Variants in PPP2R2C observed in about 807,000 individuals in gnomAD.
PPP2R2C encodes the protein protein phosphatase 2 regulatory subunit Bgamma, also known as protein phosphatase 2, regulatory subunit B, gamma.
A neutral mutation model predicts 45.3 loss-of-function variants in PPP2R2C; 10 were observed. The ratio of observed to expected loss-of-function variants is 0.22; its 90% CI spans 0.14 to 0.37. The LOEUF (loss-of-function observed/expected upper bound fraction) is 0.37, where lower values mean the gene tolerates loss of function less well. Ranked by LOEUF, PPP2R2C falls within the 10% of genes least tolerant of loss-of-function variation. The probability of loss-of-function intolerance (pLI) is 1.00; values close to 1 mark genes in which losing one functional copy is unlikely to be tolerated. For missense variants in PPP2R2C, 308 were observed against 619.7 expected (o/e 0.50, Z 5.34); for synonymous variants, 257 against 245.4 (o/e 1.05, Z -0.44).
At chr4:6,481,677 C>A (rs948373519) in intron 2 of PPP2R2C, among the ~76,000 whole-genome samples, 2 of 152,008 alleles carry the variant, frequency 1.3e-5, no homozygotes, top group Non-Finnish European at 2.9e-5. Flanking sequence ...TTTTGTAGAT[C>A]CCATTGAAAA....
intron 1 of PPP2R2C, chr4:6,384,536 A>C: frequency 1.0e-6 from 1 of 977,588 alleles, no homozygotes; most frequent in African/African-American, 1.7e-5. Flanking sequence ...CGCTGCACAT[A>C]CTTAATGTAT....
chr4:6,447,751 A>G (rs1038632420), intron 1 of PPP2R2C, among the ~76,000 whole-genome samples: 2 of 152,030 alleles, frequency 1.3e-5, no homozygotes, highest in Non-Finnish European at 2.9e-5. Flanking sequence ...TCTACCTCGT[A>G]GGAACAGCGT....
intron 1 of PPP2R2C, among the ~76,000 whole-genome samples, chr4:6,410,763 C>T (rs142258931): frequency 5.9e-5 from 9 of 152,208 alleles, no homozygotes; most frequent in Middle Eastern, 3.4e-3. Context: ...ACGTGTGCAG[C>T]GCCAAAGTCC....
At chr4:6,392,214 A>G (rs950109801) in intron 1 of PPP2R2C, among the ~76,000 whole-genome samples, 2 of 152,218 alleles carry the variant, frequency 1.3e-5, no homozygotes, top group African/African-American at 4.8e-5. Flanking sequence ...TATGTCATGT[A>G]TATTCTACCA....
rs114626800 is a variant in PPP2R2C at position 6,412,795 on chromosome 4, G to C, written c.71-31701C>G. Among the ~76,000 whole-genome samples the C allele has an allele frequency of 4.5e-3, 678 of 152,268 alleles. 7 individuals are homozygous for C. The highest frequency in any genetic ancestry group is 0.016 in the African/African-American group (650 of 41,564). On this transcript the variant is annotated intron_variant, in intron 1 of 8. Transcript: ENST00000382599. ...GGCCTTTGGGAGGTCATGAGGTCATGAGGGTGGAGCCCCCATGAATGGGAT... is the reference window on the plus strand; with the variant it reads ...GGCCTTTGGGAGGTCATGAGGTCATCAGGGTGGAGCCCCCATGAATGGGAT...
intron 2 of PPP2R2C, among the ~76,000 whole-genome samples, chr4:6,487,843 A>G (rs1403044428): frequency 1.3e-5 from 2 of 152,142 alleles, no homozygotes; most frequent in African/African-American, 4.8e-5. Context: ...CCAGTTATAC[A>G]TATATTACGC....
At chr4:6,547,217 C>T (rs1725014209) in intron 1 of PPP2R2C, among the ~76,000 whole-genome samples, 1 of 152,082 alleles carries the variant, frequency 6.6e-6, no homozygotes, top group African/African-American at 2.4e-5. Flanking sequence ...AAAGTAAAAT[C>T]ACGCCCTTAC....
chr4:6,399,314 A>G (rs1717259415), intron 1 of PPP2R2C, among the ~76,000 whole-genome samples: 1 of 152,212 alleles, frequency 6.6e-6, no homozygotes, highest in African/African-American at 2.4e-5. Flanking sequence ...GGGGAGAGGA[A>G]GTGCCAGCAG....
At chr4:6,333,871 A>G in intron 6 of PPP2R2C, 140 bp from the exon 7 acceptor site, 1 of 897,242 alleles carries the variant, frequency 1.1e-6, no homozygotes, top group Non-Finnish European at 1.7e-6. Context: ...AGAACTAAAC[A>G]CTTACCAGGG....
intron 2 of PPP2R2C, among the ~76,000 whole-genome samples, chr4:6,488,903 GTA>G (rs1220876627): frequency 6.6e-6 from 1 of 152,152 alleles, no homozygotes; most frequent in African/African-American, 2.4e-5. Context: ...CTAAGTACTG[GTA>G]TCACAGGTCC....
chr4:6,361,659 G>T (rs1199275626), intron 5 of PPP2R2C, among the ~76,000 whole-genome samples: 6 of 152,244 alleles, frequency 3.9e-5, no homozygotes, highest in Non-Finnish European at 2.9e-5. Context: ...GGATGCAAAA[G>T]GTACAGTGCT....
chr4:6,370,200 G>A (rs1200366599), intron 5 of PPP2R2C, among the ~76,000 whole-genome samples: 1 of 152,228 alleles, frequency 6.6e-6, no homozygotes, highest in Non-Finnish European at 1.5e-5. Flanking sequence ...CCGAGCATGA[G>A]CTCTGGCTCT....
At chr4:6,548,802 C>T (rs1021815569) in intron 1 of PPP2R2C, among the ~76,000 whole-genome samples, 2 of 152,146 alleles carry the variant, frequency 1.3e-5, no homozygotes, top group African/African-American at 2.4e-5. Flanking sequence ...CCTGAAGATG[C>T]CAAAATCCAG....
chr4:6,359,921 G>C (rs557481087), intron 5 of PPP2R2C, among the ~76,000 whole-genome samples: 9 of 152,360 alleles, frequency 5.9e-5, no homozygotes, highest in African/African-American at 2.2e-4. Context: ...CTGGCAAGGA[G>C]CTCAAGAGAG....
intron 1 of PPP2R2C, among the ~76,000 whole-genome samples, chr4:6,424,170 C>G (rs1228344269): frequency 6.6e-6 from 1 of 152,196 alleles, no homozygotes; most frequent in East Asian, 1.9e-4. Flanking sequence ...GGAGCTCCAG[C>G]TCTGGAGAGG....
At position 6,408,188 on chromosome 4, in the gene PPP2R2C, T is replaced by C. The variant is rs142189135; in HGVS notation, c.71-27094A>G. ...TTAAAAATTAAGTTGTATGTGCTCT[T>C]GGGTTTGTTAACAAGAAATTAAAGT... On this transcript the variant is annotated intron_variant, in intron 1 of 8. Transcript: ENST00000382599. Among the ~76,000 whole-genome samples the C allele has an allele frequency of 1.7e-3, 260 of 152,306 alleles. 2 individuals are homozygous for C. Among genetic ancestry groups the C allele is most frequent in the Admixed American group, 2.9e-3 (45 of 15,294 alleles).
At chr4:6,532,579 T>C (rs28459760) in intron 2 of PPP2R2C, among the ~76,000 whole-genome samples, 8,165 of 152,198 alleles carry the variant, frequency 0.054, 724 homozygotes, top group African/African-American at 0.19. Context: ...AAATGCACAT[T>C]CCACTCTGCG....
At chr4:6,396,928 T>C (rs1717080971) in intron 1 of PPP2R2C, among the ~76,000 whole-genome samples, 2 of 150,222 alleles carry the variant, frequency 1.3e-5, no homozygotes, top group African/African-American at 5.0e-5. Flanking sequence ...CGCGCACTGA[T>C]GCGAGCCTAC....
At chr4:6,352,349 A>T (rs1712645133) in intron 5 of PPP2R2C, among the ~76,000 whole-genome samples, 1 of 152,132 alleles carries the variant, frequency 6.6e-6, no homozygotes, top group South Asian at 2.1e-4. Context: ...TTCCAGGACT[A>T]ACCGCAGGTG....
Sources: allele counts gnomAD v4.1 joint callset (sites outside exome capture counted in the v4.1 genomes callset), GRCh38; gene constraint gnomAD v4.1.1; transcripts MANE v1.5; gene names NCBI Gene and HGNC (gene_info 2026-07-23, HGNC 2026-07-21).